The following STIM1 variants were observed in gnomAD, a reference collection of about 807,000 sequenced individuals.
STIM1 encodes the protein stromal interaction molecule 1.
A neutral mutation model predicts 74.7 loss-of-function variants in STIM1; 25 were observed. That is an observed-to-expected ratio of 0.33 (90% CI 0.24 to 0.47). The LOEUF (loss-of-function observed/expected upper bound fraction) is 0.47, where lower values mean the gene tolerates loss of function less well. Among genes scored for constraint, STIM1 ranks in the 20% least tolerant of loss-of-function variants. The pLI, the probability that STIM1 is intolerant of heterozygous loss-of-function variation, is 1.00. For missense variants in STIM1, 728 were observed against 920.8 expected (o/e 0.79, Z 2.71); for synonymous variants, 328 against 348.8 (o/e 0.94, Z 0.66).
chr11:3,953,437 G>T (rs987141215), intron 1 of STIM1, among the ~76,000 whole-genome samples: 3 of 152,176 alleles, frequency 2.0e-5, no homozygotes, highest in Non-Finnish European at 4.4e-5. Context: ...CCCTTGCTTT[G>T]TTGCCTTGGA....
intron 2 of STIM1, among the ~76,000 whole-genome samples, chr11:3,977,042 G>A (rs147246928): frequency 1.6e-3 from 242 of 152,140 alleles, no homozygotes; most frequent in African/African-American, 5.4e-3. Context: ...TGATCTGCCC[G>A]CCTCCAGCTC....
At chr11:4,006,527 TC>T (rs2093783040) in intron 2 of STIM1, among the ~76,000 whole-genome samples, 1 of 152,128 alleles carries the variant, frequency 6.6e-6, no homozygotes, top group African/African-American at 2.4e-5. Flanking sequence ...CGATTCTCCT[TC>T]CTCACCCTCC....
intron 1 of STIM1, among the ~76,000 whole-genome samples, chr11:3,959,923 A>G (rs2093267262): frequency 6.6e-6 from 1 of 152,230 alleles, no homozygotes; most frequent in Non-Finnish European, 1.5e-5. Context: ...GCACTGAACT[A>G]CTAGTAATGA....
chr11:4,019,248 A>T (rs2093932706), intron 2 of STIM1: 1 of 152,240 alleles, frequency 6.6e-6, no homozygotes, highest in Non-Finnish European at 1.5e-5. Flanking sequence ...TCTCATTAAA[A>T]TGACAAATTG....
chr11:3,905,956 G>A (rs1487516214), intron 1 of STIM1, among the ~76,000 whole-genome samples: 1 of 152,192 alleles, frequency 6.6e-6, no homozygotes, highest in Admixed American at 6.5e-5. Flanking sequence ...AGGGAGGAGG[G>A]TCTTGGTCTG....
At chr11:3,946,326 G>T (rs1321101036) in intron 1 of STIM1, among the ~76,000 whole-genome samples, 1 of 152,102 alleles carries the variant, frequency 6.6e-6, no homozygotes, top group Non-Finnish European at 1.5e-5. Context: ...AATATGAAAT[G>T]CCAGGAAGTG....
intron 12 of STIM1, 140 bp from the exon 13 acceptor site, chr11:4,091,142 A>G (rs2094521990): frequency 6.0e-6 from 7 of 1,167,516 alleles, no homozygotes; most frequent in Admixed American, 1.7e-5. Flanking sequence ...TGTTCATCCT[A>G]TTTCTCTCTC....
intron 1 of STIM1, among the ~76,000 whole-genome samples, chr11:3,888,812 A>G (rs967835063): frequency 4.6e-5 from 7 of 152,010 alleles, no homozygotes; most frequent in African/African-American, 1.7e-4. Context: ...TCGGCTTCCC[A>G]AAGTGCTGGG....
chr11:4,077,127 G>A (rs2094441862), intron 7 of STIM1, among the ~76,000 whole-genome samples: 1 of 151,432 alleles, frequency 6.6e-6, no homozygotes. Flanking sequence ...AGCAGGAGTA[G>A]CTATATATTG....
At chr11:3,932,666 GAAA>G (rs57059104) in intron 1 of STIM1, among the ~76,000 whole-genome samples, 1 of 86,958 alleles carries the variant, frequency 1.1e-5, no homozygotes, top group Non-Finnish European at 2.3e-5. Flanking sequence ...TGTCTCAAAG[GAAA>G]AAAAAAAAAA....
chr11:4,060,491 G>A (rs1028042419), intron 5 of STIM1, among the ~76,000 whole-genome samples: 1 of 152,328 alleles, frequency 6.6e-6, no homozygotes, highest in South Asian at 2.1e-4. Flanking sequence ...ATGAAACAGA[G>A]CAACCTGGGA....
chr11:3,981,262 G>A (rs891633512), intron 2 of STIM1, among the ~76,000 whole-genome samples: 4 of 152,184 alleles, frequency 2.6e-5, no homozygotes, highest in African/African-American at 9.7e-5. Context: ...CCTACAGTGG[G>A]AAGTAATCCT....
At chr11:3,956,198 A>C (rs574938014) in intron 1 of STIM1, among the ~76,000 whole-genome samples, 9 of 152,310 alleles carry the variant, frequency 5.9e-5, no homozygotes, top group African/African-American at 2.2e-4. Context: ...GCTAGTATGC[A>C]CTAGCACCGC....
chr11:3,959,137 G>A (rs1374829241), intron 1 of STIM1, among the ~76,000 whole-genome samples: 1 of 152,092 alleles, frequency 6.6e-6, no homozygotes, highest in African/African-American at 2.4e-5. Flanking sequence ...TTCCAAGAAT[G>A]AGGGTGGATT....
At chr11:3,923,653 T>C (rs1389641316) in intron 1 of STIM1, among the ~76,000 whole-genome samples, 1 of 151,082 alleles carries the variant, frequency 6.6e-6, no homozygotes, top group Non-Finnish European at 1.5e-5. Flanking sequence ...GTACCATAAG[T>C]GTTACCTTTC....
intron 2 of STIM1, among the ~76,000 whole-genome samples, chr11:4,017,894 A>G (rs1040922658): frequency 2.0e-5 from 3 of 152,190 alleles, no homozygotes; most frequent in African/African-American, 7.2e-5. Context: ...TTTCCCTTTT[A>G]TAGTCTACTT....
At chr11:3,860,042 G>T (rs1432336789) in intron 1 of STIM1, among the ~76,000 whole-genome samples, 2 of 152,220 alleles carry the variant, frequency 1.3e-5, no homozygotes, top group African/African-American at 4.8e-5. Context: ...AAACAGACAT[G>T]TTCCTTCCCT....
intron 1 of STIM1, among the ~76,000 whole-genome samples, chr11:3,864,560 A>G (rs1222604885): frequency 1.3e-5 from 2 of 152,242 alleles, no homozygotes; most frequent in Non-Finnish European, 2.9e-5. Context: ...CAAGTGGTCC[A>G]AGAGAGCGCA....
chr11:4,015,181 C>G (rs576538161), intron 2 of STIM1, among the ~76,000 whole-genome samples: 2 of 152,038 alleles, frequency 1.3e-5, no homozygotes, highest in African/African-American at 4.8e-5. Flanking sequence ...TTTGCAGTGG[C>G]TGGTACTGGT....
Sources: allele counts gnomAD v4.1 joint callset (sites outside exome capture counted in the v4.1 genomes callset), GRCh38; gene constraint gnomAD v4.1.1; transcripts MANE v1.5; gene names NCBI Gene and HGNC (gene_info 2026-07-23, HGNC 2026-07-21).